The following NIPA1 variants were observed in gnomAD, a reference collection of about 807,000 sequenced individuals.
The protein encoded by NIPA1 is magnesium transporter NIPA1.
Under a neutral mutation model 23.9 loss-of-function variants are expected in NIPA1, and 13 were observed. That is an observed-to-expected ratio of 0.54 (90% CI 0.35 to 0.87). NIPA1 has a LOEUF of 0.87. Ranked by LOEUF, NIPA1 falls within the 40% of genes least tolerant of loss-of-function variation. The pLI is 0.01. For synonymous variants in NIPA1, 234 were observed against 202.9 expected, an observed-to-expected ratio of 1.15 and a Z score of -1.30; for missense variants, 362 against 429.7, an observed-to-expected ratio of 0.84 and a Z score of 1.39.
Position 22,824,456 on chromosome 15 carries a change from ATCTC to A in NIPA1, c.*223_*226del. On this transcript the variant is annotated 3_prime_UTR_variant, in exon 5 of 5. Coordinates refer to ENST00000337435, the MANE Select transcript of NIPA1 (RefSeq NM_144599.5). This position sits in a 1 kb window ranked among gnomAD's most constrained non-coding sequence, Gnocchi z 4.1. ...ACGTCCCCAACGGTTGCCTGGCACC[ATCTC>A]TCTCTGATGAGACGAATCTCATTTT... 1.7e-6 allele frequency: 1 copy of A among 581,664 alleles called. No individual in the cohort carries two copies. Among genetic ancestry groups the A allele is most frequent in the South Asian group, 2.0e-5 (1 of 48,952 alleles). 36.0% of individuals were successfully genotyped at this position (581,664 alleles called of 1,614,324 possible).
rs897489506 is a variant in NIPA1, at chr15:22,827,763, G to A, written c.*3524G>A. The A allele has an allele frequency of 3.3e-5, 5 of 152,218 alleles. No homozygotes were observed. Among genetic ancestry groups the A allele is most frequent in the African/African-American group, 9.6e-5 (4 of 41,522 alleles). 9.4% of individuals were successfully genotyped at this position (152,218 alleles called of 1,614,324 possible). ...CTAGATGACTCAGCTCTTTGTAAAT[G>A]TTGTGCTCAACTTCTAGGGGCCAGT... On this transcript the variant is annotated 3_prime_UTR_variant, in exon 5 of 5. Coordinates refer to ENST00000337435, the MANE Select transcript of NIPA1 (RefSeq NM_144599.5).
chr15:22,811,170 C>G (rs1440938101), intron 2 of NIPA1: 1 of 273,916 alleles, frequency 3.7e-6, no homozygotes, highest in Non-Finnish European at 7.0e-6. Context: ...GTTAGGCTGC[C>G]TTGTTTTTCT....
intron 1 of NIPA1, among the ~76,000 whole-genome samples, chr15:22,806,059 G>T (rs550135001): frequency 6.6e-6 from 1 of 152,208 alleles, no homozygotes; most frequent in Non-Finnish European, 1.5e-5. Context: ...GAATAGCTGG[G>T]ACTACAGGCG....
At chr15:22,790,795 C>A (rs1057389195) in intron 1 of NIPA1, among the ~76,000 whole-genome samples, 2 of 152,034 alleles carry the variant, frequency 1.3e-5, no homozygotes, top group Non-Finnish European at 2.9e-5. Context: ...CCATAAAATC[C>A]TTTCCTACAT....
intron 4 of NIPA1, among the ~76,000 whole-genome samples, chr15:22,820,937 A>G (rs1476249692): frequency 6.6e-6 from 1 of 151,090 alleles, no homozygotes; most frequent in Non-Finnish European, 1.5e-5. Context: ...GATTCCTCAT[A>G]TAGCCCTGTT....
At chr15:22,802,552 C>G (rs996131218) in intron 1 of NIPA1, among the ~76,000 whole-genome samples, 6 of 151,922 alleles carry the variant, frequency 3.9e-5, no homozygotes, top group Admixed American at 2.0e-4. Context: ...TCAACTATTT[C>G]TTGTTTAAGT....
At chr15:22,797,164 C>G (rs568981946) in intron 1 of NIPA1, among the ~76,000 whole-genome samples, 23 of 151,706 alleles carry the variant, frequency 1.5e-4, no homozygotes, top group Admixed American at 1.2e-3. Flanking sequence ...CTCAGCCTCC[C>G]GAGTAGCTGG....
chr15:22,803,226 G>A (rs1366541590), intron 1 of NIPA1, among the ~76,000 whole-genome samples: 3 of 151,984 alleles, frequency 2.0e-5, no homozygotes, highest in Non-Finnish European at 4.4e-5. Context: ...CAAAGTGCTG[G>A]GATTATAGGC....
chr15:22,803,689 T>TG (rs1895137573), intron 1 of NIPA1, among the ~76,000 whole-genome samples: 1 of 142,088 alleles, frequency 7.0e-6, no homozygotes, highest in Non-Finnish European at 1.5e-5. Context: ...TTTTTTTTTT[T>TG]TTTTTTTTGA....
In NIPA1 at chr15:22,826,476, G is replaced by A. The variant is rs912447678; in HGVS notation, c.*2237G>A. The A allele has an allele frequency of 1.3e-5, 2 of 152,140 alleles. No homozygotes were observed. The highest frequency in any genetic ancestry group is 4.8e-5 in the African/African-American group (2 of 41,424). 9.4% of individuals were successfully genotyped at this position (152,140 alleles called of 1,614,324 possible). A position where few individuals can be genotyped will look rare whatever the true frequency, so the allele number is the denominator to read the frequency against. ...GGCATAAAAATAGTTTCCTAGGTAA[G>A]GGGTGTGAGATATTCAAAGAATACA... On this transcript the variant is annotated 3_prime_UTR_variant, in exon 5 of 5. Coordinates refer to ENST00000337435, the MANE Select transcript of NIPA1 (RefSeq NM_144599.5).
chr15:22,806,249 G>A (rs1363492946), intron 1 of NIPA1, among the ~76,000 whole-genome samples: 2 of 152,188 alleles, frequency 1.3e-5, no homozygotes, highest in Admixed American at 6.6e-5. Context: ...GGACATTTCC[G>A]ACACATTTAT....
chr15:22,823,884 C>T lies in NIPA1; in HGVS notation c.635C>T (p.Ala212Val), dbSNP rs770889044. Residue 212 changes from alanine to valine, a missense_variant, in exon 5 of 5, where the codon GCG becomes GTG. By Grantham distance (64) the Ala-to-Val change is moderately conservative. Around this residue, in one of 2 missense-constraint regions of NIPA1, gnomAD observed 277 missense variants for 372.0 expected, o/e 0.74. Coordinates refer to ENST00000337435, the MANE Select transcript of NIPA1 (RefSeq NM_144599.5). ...TVPSTKGIGL[A>V]AQDILHNNPS... ...CCTTCCACCAAGGGCATCGGGCTGG[C>T]GGCCCAAGACATCTTGCATAACAAC... 6.8e-6 allele frequency: 11 copies of T among 1,614,024 alleles called. No homozygotes were observed. The highest frequency in any genetic ancestry group is 2.2e-5 in the South Asian group (2 of 91,092).
intron 1 of NIPA1, among the ~76,000 whole-genome samples, chr15:22,800,513 T>C (rs1179593792): frequency 2.0e-5 from 3 of 152,152 alleles, no homozygotes; most frequent in Middle Eastern, 3.4e-3. Flanking sequence ...GGCAGTGGGC[T>C]GGGCGTGGTG....
chr15:22,813,784 C>G (rs1566785379), intron 3 of NIPA1: 1 of 436,302 alleles, frequency 2.3e-6, no homozygotes, highest in Admixed American at 2.4e-5. Flanking sequence ...ACATTTTTCT[C>G]GTGAACACAT....
rs556367224 is a variant in NIPA1 at position 22,812,456 on chromosome 15, A to G, written c.317+203A>G. ...TATTTGAGGTCACGAGTTCAAGACC[A>G]GCCTGGCCAACATGGTGAAACCCTG... On this transcript the variant is annotated intron_variant, in intron 3 of 4. Coordinates refer to ENST00000337435, the MANE Select transcript of NIPA1 (RefSeq NM_144599.5). Among the ~76,000 whole-genome samples, 5 of 152,300 alleles carry G rather than the reference A, an allele frequency of 3.3e-5. No homozygotes were observed. In the East Asian group the frequency reaches 9.6e-4, roughly 29 times the overall value.
intron 3 of NIPA1, 80 bp downstream of exon 3, chr15:22,812,333 T>C: frequency 9.6e-7 from 1 of 1,042,430 alleles, no homozygotes; most frequent in East Asian, 2.5e-5. Context: ...TCTGTTAAAG[T>C]AATAAGAGCA....
chr15:22,818,917 A>G (rs555582708), intron 3 of NIPA1, among the ~76,000 whole-genome samples: 1 of 152,168 alleles, frequency 6.6e-6, no homozygotes, highest in South Asian at 2.1e-4. Flanking sequence ...ACCCTTTCCC[A>G]TCTTGGCATA....
At chr15:22,809,489 T>C (rs1895276653) in intron 1 of NIPA1, among the ~76,000 whole-genome samples, 1 of 152,052 alleles carries the variant, frequency 6.6e-6, no homozygotes. Context: ...TGCACACCTG[T>C]AATCCAGCAG....
At chr15:22,813,567 G>A in intron 3 of NIPA1, 3 of 448,136 alleles carry the variant, frequency 6.7e-6, no homozygotes, top group Middle Eastern at 3.3e-4. Context: ...AATAAAAATA[G>A]GGTAGAAGAG....
Sources: allele counts gnomAD v4.1 joint callset (sites outside exome capture counted in the v4.1 genomes callset), GRCh38; gene constraint gnomAD v4.1.1; regional missense constraint gnomAD v4.1.1; non-coding constraint Gnocchi (gnomAD v3.1); transcripts MANE v1.5; gene names NCBI Gene and HGNC (gene_info 2026-07-23, HGNC 2026-07-21).